The following NF1 variants were observed in gnomAD, a reference collection of about 807,000 sequenced individuals.
NF1 encodes the protein neurofibromin 1.
A neutral mutation model predicts 325.7 loss-of-function variants in NF1; 122 were observed. That is an observed-to-expected ratio of 0.37 (90% CI 0.32 to 0.44). NF1 has a LOEUF of 0.44. Among genes scored for constraint, NF1 ranks in the 20% least tolerant of loss-of-function variants. NF1 has a pLI of 1.00. For synonymous variants in NF1, 1,091 were observed against 1,186.0 expected, an observed-to-expected ratio of 0.92 and a Z score of 1.65; for missense variants, 2,140 against 3,415.4, an observed-to-expected ratio of 0.63 and a Z score of 9.31.
chr17:31,290,463 G>C (rs983764532), intron 36 of NF1, among the ~76,000 whole-genome samples: 1 of 152,032 alleles, frequency 6.6e-6, no homozygotes, highest in Non-Finnish European at 1.5e-5. Context: ...TGTGTGCTAG[G>C]CACTGTTCTA....
intron 57 of NF1, among the ~76,000 whole-genome samples, chr17:31,364,488 A>G (rs1214031493): frequency 6.6e-6 from 1 of 152,250 alleles, no homozygotes; most frequent in Admixed American, 6.5e-5. Flanking sequence ...AATCAACAAA[A>G]TAAGAGATTC....
At chr17:31,131,542 C>A (rs1313022072) in intron 1 of NF1, among the ~76,000 whole-genome samples, 2 of 152,214 alleles carry the variant, frequency 1.3e-5, no homozygotes, top group Non-Finnish European at 2.9e-5. Flanking sequence ...TGCCAGTCAT[C>A]CTGATCCTCT....
At chr17:31,159,725 T>A (rs1327115622) in intron 3 of NF1, among the ~76,000 whole-genome samples, 1 of 152,184 alleles carries the variant, frequency 6.6e-6, no homozygotes, top group East Asian at 1.9e-4. Flanking sequence ...TTTCTATACA[T>A]CATTATCCTT....
At chr17:31,243,718 C>A (rs1383460153) in intron 29 of NF1, among the ~76,000 whole-genome samples, 1 of 151,672 alleles carries the variant, frequency 6.6e-6, no homozygotes, top group African/African-American at 2.4e-5. Context: ...CTTGGGGCTC[C>A]CCTCTAACCC....
At chr17:31,296,560 C>T (rs1366186233) in intron 36 of NF1, 2 of 535,288 alleles carry the variant, frequency 3.7e-6, no homozygotes, top group East Asian at 3.2e-5. Flanking sequence ...TCCCTACTCT[C>T]TCCTGCATTT....
intron 9 of NF1, 123 bp from the exon 10 acceptor site, chr17:31,200,914 C>T: frequency 7.3e-7 from 1 of 1,366,512 alleles, no homozygotes; most frequent in Non-Finnish European, 1.0e-6. Context: ...GTGCTTTGTG[C>T]TTCTTCTGGC....
At chr17:31,257,896 G>A (rs2067610720) in intron 31 of NF1, among the ~76,000 whole-genome samples, 1 of 151,784 alleles carries the variant, frequency 6.6e-6, no homozygotes, top group Non-Finnish European at 1.5e-5. Context: ...ATGTAAATAT[G>A]TACTATCAGG....
intron 4 of NF1, among the ~76,000 whole-genome samples, chr17:31,165,981 C>T (rs990067925): frequency 2.0e-5 from 3 of 152,178 alleles, no homozygotes; most frequent in African/African-American, 7.2e-5. Flanking sequence ...ATGTGAGCTA[C>T]CATGCCTGGC....
chr17:31,164,054 TTGA>T (rs1439531761), intron 4 of NF1, among the ~76,000 whole-genome samples: 1 of 152,226 alleles, frequency 6.6e-6, no homozygotes, highest in Admixed American at 6.5e-5. Flanking sequence ...CACAGTAACC[TTGA>T]TGATACTTCC....
Position 31,226,501 on chromosome 17 carries a change from G to A in NF1, c.2068G>A (p.Ala690Thr), listed in dbSNP as rs2151425689. The change falls in exon 18 of 58, where the codon GCC (alanine) becomes ACC (threonine). Residue 690 changes from alanine (A) to threonine (T), a missense_variant. This residue lies in a region of NF1 where 380 missense variants were observed against 639.3 expected (regional missense o/e 0.59). Transcript: ENST00000358273. ...CRQAQTKLEVALYMFLWNPDT... is the reference protein window; with the variant it reads ...CRQAQTKLEVTLYMFLWNPDT... ...ACAAGCCCAGACCAAACTAGAAGTG[G>A]CCCTGTACATGTTTCTGTGGAACCC... 1.2e-6 allele frequency: 2 copies of A among 1,613,872 alleles called. No homozygotes were observed. Among genetic ancestry groups the A allele is most frequent in the Non-Finnish European group, 8.5e-7 (1 of 1,179,812 alleles).
intron 8 of NF1, among the ~76,000 whole-genome samples, chr17:31,185,819 G>A (rs2066228313): frequency 6.6e-6 from 1 of 152,198 alleles, no homozygotes; most frequent in Non-Finnish European, 1.5e-5. Flanking sequence ...CAGATCCAAT[G>A]GTGCTTGAAG....
chr17:31,203,218 C>T (rs1330239024), intron 11 of NF1, among the ~76,000 whole-genome samples: 1 of 152,184 alleles, frequency 6.6e-6, no homozygotes, highest in East Asian at 1.9e-4. Flanking sequence ...GTGAAAGTGG[C>T]TGTGCATCCT....
intron 1 of NF1, chr17:31,138,510 C>T (rs7225838): frequency 0.11 from 17,336 of 152,066 alleles, 2,829 homozygotes; most frequent in African/African-American, 0.36. Context: ...GTGATCCACC[C>T]GCCTGGGCTT....
intron 36 of NF1, among the ~76,000 whole-genome samples, chr17:31,273,386 ACTCC>A (rs1401127818): frequency 6.6e-6 from 1 of 152,076 alleles, no homozygotes; most frequent in Non-Finnish European, 1.5e-5. Context: ...AACAAAACCA[ACTCC>A]TTCATTTTGC....
rs1319715040 is a variant in NF1, at chr17:31,327,368, A to C, written c.5269-131A>C. On this transcript the variant is annotated intron_variant, in intron 37 of 57. Coordinates refer to ENST00000358273, the MANE Select transcript of NF1 (RefSeq NM_001042492.3). ...ATAATAATTACTGAACCATTTGAAT[A>C]TACAATGGTGGGAACTCTTCCTTAA... is the stretch of plus-strand genomic sequence containing the variant. 6 of 702,938 alleles carry C rather than the reference A, an allele frequency of 8.5e-6. No homozygotes were observed. In the African/African-American group the frequency reaches 8.8e-5, roughly 10 times the overall value. 43.5% of individuals were successfully genotyped at this position (702,938 alleles called of 1,614,324 possible).
At chr17:31,338,573 A>G (rs2069739010) in intron 45 of NF1, 131 bp from the exon 46 acceptor site, 4 of 686,798 alleles carry the variant, frequency 5.8e-6, no homozygotes, top group South Asian at 3.4e-5. Context: ...TACCAAGATC[A>G]CCATAGCATG....
At chr17:31,155,667 T>A (rs951716114) in intron 1 of NF1, among the ~76,000 whole-genome samples, 1 of 152,206 alleles carries the variant, frequency 6.6e-6, no homozygotes, top group African/African-American at 2.4e-5. Context: ...TCTTATATAG[T>A]GCTGGATAAA....
intron 8 of NF1, among the ~76,000 whole-genome samples, chr17:31,190,127 G>T (rs1174881695): frequency 2.6e-5 from 4 of 151,000 alleles, no homozygotes; most frequent in Admixed American, 2.6e-4. Flanking sequence ...ATGGTGGCAG[G>T]CTCCTGTGAT....
intron 29 of NF1, among the ~76,000 whole-genome samples, chr17:31,238,393 C>T (rs1267262563): frequency 4.6e-5 from 7 of 152,252 alleles, no homozygotes; most frequent in Middle Eastern, 3.4e-3. Flanking sequence ...TAGAAGTTAG[C>T]CACCTCCAGC....
Sources: allele counts gnomAD v4.1 joint callset (sites outside exome capture counted in the v4.1 genomes callset), GRCh38; gene constraint gnomAD v4.1.1; regional missense constraint gnomAD v4.1.1; transcripts MANE v1.5; gene names NCBI Gene and HGNC (gene_info 2026-07-23, HGNC 2026-07-21).